Variants in NRXN3 observed in about 807,000 individuals in gnomAD.
The protein encoded by NRXN3 is neurexin 3, also known as neurexin III.
A neutral mutation model predicts 137.6 loss-of-function variants in NRXN3; 32 were observed. That is an observed-to-expected ratio of 0.23 (90% CI 0.18 to 0.31). NRXN3 has a LOEUF of 0.31. Among genes scored for constraint, NRXN3 ranks in the 10% least tolerant of loss-of-function variants. NRXN3 has a pLI of 1.00. For missense variants in NRXN3, 1,574 were observed against 2,062.5 expected (o/e 0.76, Z 4.59); for synonymous variants, 798 against 784.5 (o/e 1.02, Z -0.29).
rs2097763279 is a variant in NRXN3 at position 79,586,060 on chromosome 14, G to T, written c.3445-77718G>T. ...ATCTAATCATAGCAACAGAAAAATT[G>T]ACTTTTCAGTTTTCTTTTCCCCAGG... On this transcript the variant is annotated intron_variant, in intron 16 of 20. Coordinates refer to ENST00000335750, the MANE Select transcript of NRXN3 (RefSeq NM_001330195.2). Among the ~76,000 whole-genome samples the T allele has an allele frequency of 2.6e-5, 4 of 152,196 alleles. No homozygotes were observed. In the South Asian group the frequency reaches 8.3e-4, roughly 32 times the overall value.
At chr14:79,580,411 T>C (rs1249016477) in intron 16 of NRXN3, among the ~76,000 whole-genome samples, 1 of 151,504 alleles carries the variant, frequency 6.6e-6, no homozygotes, top group Non-Finnish European at 1.5e-5. Context: ...TCAGTCATCT[T>C]TTCTCTATAG....
chr14:79,691,428 C>T (rs1173127112), intron 17 of NRXN3, among the ~76,000 whole-genome samples: 3 of 152,056 alleles, frequency 2.0e-5, no homozygotes. Context: ...TATAAAATAT[C>T]GGTGCTCAAA....
chr14:79,525,376 A>C (rs1293867339), intron 16 of NRXN3, among the ~76,000 whole-genome samples: 2 of 152,176 alleles, frequency 1.3e-5, no homozygotes, highest in African/African-American at 2.4e-5. Flanking sequence ...CTAATTCCCC[A>C]CCTGCATGGA....
intron 4 of NRXN3, among the ~76,000 whole-genome samples, chr14:78,314,926 TCTTTCTTTCTTTCTTTCTTC>T (rs2078447090): frequency 5.2e-5 from 6 of 116,084 alleles, no homozygotes; most frequent in African/African-American, 2.5e-4. Flanking sequence ...TTTCTTTCTT[TCTTTCTTTCTTTCTTTCTTC>T]CTTCCTTCCT....
chr14:79,846,716 A>G (rs2099375220), intron 20 of NRXN3, among the ~76,000 whole-genome samples: 1 of 152,174 alleles, frequency 6.6e-6, no homozygotes, highest in Non-Finnish European at 1.5e-5. Context: ...TGTTGACTCA[A>G]TACTCCACTG....
At chr14:78,709,892 C>G in intron 7 of NRXN3, 1 of 511,826 alleles carries the variant, frequency 2.0e-6, no homozygotes, top group Non-Finnish European at 3.5e-6. Flanking sequence ...GATAGCTCTA[C>G]GATCCTGGAG....
chr14:78,601,906 C>G (rs2097205173), intron 4 of NRXN3, among the ~76,000 whole-genome samples: 1 of 152,196 alleles, frequency 6.6e-6, no homozygotes, highest in Admixed American at 6.5e-5. Flanking sequence ...AAATTTCTCC[C>G]TCATTGAGTG....
At chr14:78,249,676 T>C (rs2068275148) in intron 2 of NRXN3, among the ~76,000 whole-genome samples, 1 of 152,166 alleles carries the variant, frequency 6.6e-6, no homozygotes, top group African/African-American at 2.4e-5. Context: ...AATGATATTA[T>C]TACCATTGCT....
chr14:78,907,807 G>T (rs1382359032), intron 10 of NRXN3, among the ~76,000 whole-genome samples: 1 of 151,804 alleles, frequency 6.6e-6, no homozygotes, highest in Non-Finnish European at 1.5e-5. Flanking sequence ...TCCACCCTCT[G>T]AAAGGACCCA....
At chr14:79,003,950 G>A (rs2099547023) in intron 15 of NRXN3, among the ~76,000 whole-genome samples, 1 of 152,154 alleles carries the variant, frequency 6.6e-6, no homozygotes, top group Non-Finnish European at 1.5e-5. Context: ...AAGTGTGATT[G>A]CTTGACATGC....
chr14:78,187,409 T>C (rs915134698), intron 1 of NRXN3, among the ~76,000 whole-genome samples: 3 of 152,044 alleles, frequency 2.0e-5, no homozygotes, highest in Non-Finnish European at 4.4e-5. Flanking sequence ...ACCTCCTGAG[T>C]CTACATGCCA....
At chr14:78,981,733 A>C (rs945234412) in intron 14 of NRXN3, among the ~76,000 whole-genome samples, 1 of 152,108 alleles carries the variant, frequency 6.6e-6, no homozygotes, top group Non-Finnish European at 1.5e-5. Flanking sequence ...CCTCTTTCTG[A>C]TTTGTACAAG....
chr14:79,705,978 G>A (rs572338115), intron 19 of NRXN3, among the ~76,000 whole-genome samples: 1 of 150,036 alleles, frequency 6.7e-6, no homozygotes, highest in South Asian at 2.1e-4. Context: ...TGGTTGAAAG[G>A]TATAAATAGT....
chr14:78,554,306 T>A (rs2096718906), intron 4 of NRXN3, among the ~76,000 whole-genome samples: 1 of 152,124 alleles, frequency 6.6e-6, no homozygotes, highest in African/African-American at 2.4e-5. Context: ...GGATATGTGG[T>A]TACTTGTGGG....
rs192623403 is a variant in NRXN3, at chr14:78,830,405, A to G, written c.2275+20061A>G. Among the ~76,000 whole-genome samples, 61 of 152,248 alleles carry G rather than the reference A, an allele frequency of 4.0e-4. 1 individual carries two copies. The South Asian group carries it at 6.6e-3, about 17-fold the overall frequency. On this transcript the variant is annotated intron_variant, in intron 10 of 20. Transcript: ENST00000335750. ...TATGTTTGATTCTGAATAAAATTTT[A>G]TTAAAGATGTCTAAATGCAGCATCT...
intron 15 of NRXN3, among the ~76,000 whole-genome samples, chr14:79,425,038 C>A (rs998349028): frequency 6.6e-6 from 1 of 152,140 alleles, no homozygotes; most frequent in Non-Finnish European, 1.5e-5. Context: ...TCAGAAGTCT[C>A]CCTTGAGATT....
Position 78,709,338 on chromosome 14 carries a change from C to T in NRXN3, c.1343C>T (p.Pro448Leu). The T allele has an allele frequency of 6.2e-7, 1 of 1,614,108 alleles. No individual in the cohort carries two copies. Residue 448 changes from proline to leucine, a missense_variant, in exon 7 of 21, where the codon CCC becomes CTC. Pro to Leu is a moderately conservative substitution (Grantham distance 98). Around this residue, in one of 5 missense-constraint regions of NRXN3, gnomAD observed 718 missense variants for 887.6 expected, o/e 0.81. Transcript: ENST00000335750. ...TGTGAGAATGTGGCCACACTGGACC[C>T]CATCAACTTTGAGACCCCAGAGGCT... ...FKCENVATLD[P>L]INFETPEAYI...
chr14:79,860,047 C>T (rs755494747), intron 20 of NRXN3, among the ~76,000 whole-genome samples: 15 of 152,190 alleles, frequency 9.9e-5, no homozygotes, highest in Non-Finnish European at 1.9e-4. Flanking sequence ...GCAACCACTA[C>T]TGCAGAATAT....
At chr14:78,643,839 G>T (rs1169533471) in intron 4 of NRXN3, among the ~76,000 whole-genome samples, 1 of 152,130 alleles carries the variant, frequency 6.6e-6, no homozygotes, top group African/African-American at 2.4e-5. Flanking sequence ...TGTATGGTTT[G>T]CCTTTAGAAA....
Sources: allele counts gnomAD v4.1 joint callset (sites outside exome capture counted in the v4.1 genomes callset), GRCh38; gene constraint gnomAD v4.1.1; regional missense constraint gnomAD v4.1.1; transcripts MANE v1.5; gene names NCBI Gene and HGNC (gene_info 2026-07-23, HGNC 2026-07-21).